The following HLCS variants were observed in gnomAD, a reference collection of about 807,000 sequenced individuals.
The protein encoded by HLCS is biotin--protein ligase.
HLCS carries 53 observed loss-of-function variants against 75.0 expected under a neutral mutation model. The observed-to-expected ratio is 0.71, with a 90% CI of 0.57 to 0.89. The LOEUF (loss-of-function observed/expected upper bound fraction) is 0.89, where lower values mean the gene tolerates loss of function less well. Ranked by LOEUF, HLCS falls within the 40% of genes least tolerant of loss-of-function variation. HLCS has a pLI of 0.00. For synonymous variants in HLCS, 431 were observed against 428.6 expected, an observed-to-expected ratio of 1.01 and a Z score of -0.07; for missense variants, 966 against 1,074.0, an observed-to-expected ratio of 0.90 and a Z score of 1.41.
Position 36,754,303 on chromosome 21 carries a change from G to A in HLCS, c.2565C>T (p.His855=), listed in dbSNP as rs750759085. ...HQEGGEVVTV[H]PDGNSFDMLR... is the part of the protein sequence containing the mutation. ...GCATGTCGAAGGAGTTGCCGTCCGG[G>A]TGCACAGTCACAACCTCGCCGCCCT... Residue 855 remains histidine, a synonymous_variant, in exon 11 of 11, where the codon CAC becomes CAT. Coordinates refer to ENST00000674895, the MANE Select transcript of HLCS (RefSeq NM_001352514.2). 1 of 1,614,102 alleles carries A rather than the reference G, an allele frequency of 6.2e-7. No homozygotes were observed. The highest frequency in any genetic ancestry group is 1.1e-5 in the South Asian group (1 of 91,054).
intron 6 of HLCS, among the ~76,000 whole-genome samples, chr21:36,788,784 G>T (rs946069746): frequency 1.3e-5 from 2 of 152,164 alleles, no homozygotes; most frequent in Admixed American, 1.3e-4. Flanking sequence ...TGACTCTCAC[G>T]TCCTAGACAC....
intron 9 of HLCS, among the ~76,000 whole-genome samples, chr21:36,757,901 T>C (rs192572715): frequency 3.0e-4 from 46 of 152,274 alleles, no homozygotes; most frequent in Admixed American, 2.8e-3. Context: ...TTCTCCCGTG[T>C]TCAGAAAACT....
At chr21:36,835,204 T>C (rs1355200127) in intron 6 of HLCS, among the ~76,000 whole-genome samples, 2 of 152,214 alleles carry the variant, frequency 1.3e-5, no homozygotes, top group Non-Finnish European at 2.9e-5. Flanking sequence ...AAGTCACTGA[T>C]GGTTTAGTCT....
intron 5 of HLCS, among the ~76,000 whole-genome samples, chr21:36,923,035 T>C (rs1255830509): frequency 6.6e-6 from 1 of 152,204 alleles, no homozygotes; most frequent in African/African-American, 2.4e-5. Context: ...GGTTCCGTCA[T>C]CGCCGGGCGC....
At chr21:36,886,611 T>C (rs1447483121) in intron 6 of HLCS, among the ~76,000 whole-genome samples, 1 of 152,108 alleles carries the variant, frequency 6.6e-6, no homozygotes, top group Non-Finnish European at 1.5e-5. Context: ...AGTTGTCCAA[T>C]AGTAAAATGA....
At chr21:36,812,954 G>A (rs796785604) in intron 6 of HLCS, among the ~76,000 whole-genome samples, 2 of 152,148 alleles carry the variant, frequency 1.3e-5, no homozygotes, top group South Asian at 4.1e-4. Context: ...AGCTACTTGG[G>A]AAGCTGAGGT....
intron 6 of HLCS, among the ~76,000 whole-genome samples, chr21:36,848,278 T>G (rs1430051562): frequency 3.4e-5 from 5 of 146,950 alleles, no homozygotes; most frequent in Non-Finnish European, 6.2e-5. Context: ...GTTGTTTTTT[T>G]TTTTTTTTTG....
intron 4 of HLCS, among the ~76,000 whole-genome samples, chr21:36,932,937 G>C (rs575195407): frequency 6.6e-6 from 1 of 152,126 alleles, no homozygotes; most frequent in Admixed American, 6.5e-5. Context: ...GGACAACATG[G>C]TGAAACCCCA....
Position 36,896,862 on chromosome 21 carries a change from A to G in HLCS, c.1890T>C (p.Asp630=). ...EVTPTTMRLL[D]GLMFQTPQEM... ...ATGCAGACCTGCTCACACCTTACCC[A>G]TCCAGGAGACGCATCGTTGTGGGGG... The change falls in exon 6 of 11, where the codon GAT becomes GAC. Residue 630 remains aspartate, a splice_region_variant and synonymous_variant. Transcript: ENST00000674895. 6.2e-7 allele frequency: 1 copy of G among 1,614,066 alleles called. No individual in the cohort carries two copies. The highest frequency in any genetic ancestry group is 8.5e-7 in the Non-Finnish European group (1 of 1,179,928).
At chr21:36,970,855 G>C (rs530927119), upstream of HLCS, among the ~76,000 whole-genome samples, 1 of 152,040 alleles carries the variant, frequency 6.6e-6, no homozygotes, top group Non-Finnish European at 1.5e-5. Context: ...TTAGCCAGGC[G>C]TGGTGGCGGG....
At chr21:36,937,977 G>A (rs2066971639) in intron 3 of HLCS, among the ~76,000 whole-genome samples, 1 of 152,088 alleles carries the variant, frequency 6.6e-6, no homozygotes, top group Admixed American at 6.6e-5. Context: ...GGATATTAAG[G>A]GATTTACATA....
intron 6 of HLCS, among the ~76,000 whole-genome samples, chr21:36,848,738 A>C (rs2062883837): frequency 6.6e-6 from 1 of 152,224 alleles, no homozygotes; most frequent in Admixed American, 6.5e-5. Context: ...TGGATTTATA[A>C]GCTTAGAAAG....
At chr21:36,959,302 G>A (rs939979100) in intron 2 of HLCS, among the ~76,000 whole-genome samples, 2 of 152,194 alleles carry the variant, frequency 1.3e-5, no homozygotes, top group Admixed American at 6.5e-5. Context: ...TGACACACCA[G>A]CCCCCTGCCA....
chr21:36,841,394 A>G (rs952821099), intron 6 of HLCS, among the ~76,000 whole-genome samples: 1 of 152,214 alleles, frequency 6.6e-6, no homozygotes, highest in African/African-American at 2.4e-5. Flanking sequence ...CCACGAGTAC[A>G]TTATTTATTA....
chr21:36,888,232 G>A (rs929209499), intron 6 of HLCS, among the ~76,000 whole-genome samples: 1 of 151,606 alleles, frequency 6.6e-6, no homozygotes, highest in African/African-American at 2.4e-5. Flanking sequence ...TCGACTTCAG[G>A]GGAGGAGGGT....
chr21:36,917,405 C>T (rs1018487754), intron 5 of HLCS, among the ~76,000 whole-genome samples: 1 of 152,286 alleles, frequency 6.6e-6, no homozygotes, highest in South Asian at 2.1e-4. Context: ...CTCCACAGAC[C>T]CAGATCTTGT....
At chr21:36,780,643 G>A (rs958828980) in intron 6 of HLCS, among the ~76,000 whole-genome samples, 4 of 152,002 alleles carry the variant, frequency 2.6e-5, no homozygotes, top group South Asian at 2.1e-4. Flanking sequence ...ACTCTTATTC[G>A]CATGGATTTT....
intron 5 of HLCS, among the ~76,000 whole-genome samples, chr21:36,918,511 A>G (rs948799061): frequency 6.6e-6 from 1 of 152,186 alleles, no homozygotes; most frequent in Admixed American, 6.5e-5. Flanking sequence ...TCTCATCAAC[A>G]AACTGTTTAT....
At chr21:36,915,006 AT>A (rs2065873715) in intron 5 of HLCS, among the ~76,000 whole-genome samples, 1 of 152,230 alleles carries the variant, frequency 6.6e-6, no homozygotes, top group Admixed American at 6.5e-5. Context: ...AGAGGTGCCC[AT>A]CCTAGCCGAC....
Sources: allele counts gnomAD v4.1 joint callset (sites outside exome capture counted in the v4.1 genomes callset), GRCh38; gene constraint gnomAD v4.1.1; transcripts MANE v1.5; gene names NCBI Gene and HGNC (gene_info 2026-07-23, HGNC 2026-07-21).